Variants in TENM3 observed in about 807,000 individuals in gnomAD.
TENM3 encodes teneurin-3.
A neutral mutation model predicts 255.1 loss-of-function variants in TENM3; 63 were observed. The observed-to-expected ratio is 0.25, with a 90% CI of 0.20 to 0.30. The LOEUF is 0.30. TENM3 is among the 10% of genes least tolerant of loss of function. The pLI is 1.00. For missense variants in TENM3, 2,929 were observed against 3,461.1 expected (o/e 0.85, Z 3.86); for synonymous variants, 1,306 against 1,322.3 (o/e 0.99, Z 0.27).
chr4:182,643,766 C>G (rs957200201), intron 5 of TENM3, among the ~76,000 whole-genome samples: 2 of 152,158 alleles, frequency 1.3e-5, no homozygotes, highest in East Asian at 3.9e-4. Context: ...GAATCTTTCT[C>G]AGAAAGATTC....
At chr4:181,802,049 G>GT in the TENM3 span, among the ~76,000 whole-genome samples, 3 of 152,174 alleles carry the variant, frequency 2.0e-5, no homozygotes, top group South Asian at 6.2e-4. Context: ...AGTTTTGATG[G>GT]TATGTACATG....
chr4:181,918,849 C>T, the TENM3 span, among the ~76,000 whole-genome samples: 3 of 151,830 alleles, frequency 2.0e-5, no homozygotes, highest in Admixed American at 1.3e-4. Context: ...AGAAATGGAC[C>T]CTATTCCTCA....
At chr4:182,778,141 G>A (rs1419550478) in intron 24 of TENM3, among the ~76,000 whole-genome samples, 1 of 151,900 alleles carries the variant, frequency 6.6e-6, no homozygotes, top group East Asian at 1.9e-4. Flanking sequence ...AATATTCCTA[G>A]GTTTTATCAG....
the TENM3 span, among the ~76,000 whole-genome samples, chr4:181,850,316 T>C: frequency 6.6e-6 from 1 of 152,254 alleles, no homozygotes; most frequent in East Asian, 1.9e-4. Context: ...TAACAAGAGA[T>C]TAAATTTTAA....
In TENM3 at chr4:182,679,188, C is replaced by T. The variant is rs185799493; in HGVS notation, c.1327-478C>T. ...CAAACCAGCACATTCTGCACATGTA[C>T]CCCAGAACTTAAAATAAAATTTAAA... On this transcript the variant is annotated intron_variant, in intron 7 of 27. Coordinates refer to ENST00000511685, the MANE Select transcript of TENM3 (RefSeq NM_001080477.4). Among the ~76,000 whole-genome samples, 704 of 149,928 alleles carry T rather than the reference C, an allele frequency of 4.7e-3. 5 individuals carry two copies. The highest frequency in any genetic ancestry group is 7.1e-3 in the Non-Finnish European group (477 of 66,934).
intron 14 of TENM3, among the ~76,000 whole-genome samples, chr4:182,729,806 T>G (rs903000623): frequency 2.0e-5 from 3 of 152,222 alleles, no homozygotes; most frequent in Non-Finnish European, 4.4e-5. Flanking sequence ...CCTTAAATCT[T>G]ATACTTCTTG....
chr4:182,723,924 G>T (rs1195533691), intron 13 of TENM3, among the ~76,000 whole-genome samples: 2 of 151,052 alleles, frequency 1.3e-5, no homozygotes, highest in Non-Finnish European at 3.0e-5. Context: ...AAATAATTTC[G>T]CCAGCCACTG....
the TENM3 span, among the ~76,000 whole-genome samples, chr4:181,463,374 T>C: frequency 6.6e-6 from 1 of 152,200 alleles, no homozygotes; most frequent in Non-Finnish European, 1.5e-5. Flanking sequence ...TATTTTATCA[T>C]AGTCTATGCA....
the TENM3 span, among the ~76,000 whole-genome samples, chr4:181,939,478 C>T: frequency 2.5e-4 from 38 of 152,224 alleles, no homozygotes; most frequent in Non-Finnish European, 4.8e-4. Flanking sequence ...TGTGATCAGC[C>T]TGTCGGTGTT....
At chr4:181,968,582 T>C in the TENM3 span, among the ~76,000 whole-genome samples, 1 of 152,256 alleles carries the variant, frequency 6.6e-6, no homozygotes. Flanking sequence ...GCATCTAGAA[T>C]GCTAACCGCA....
At chr4:182,081,583 C>CAAAAAAA in the TENM3 span, among the ~76,000 whole-genome samples, 19 of 87,490 alleles carry the variant, frequency 2.2e-4, no homozygotes, top group South Asian at 4.5e-4. Context: ...GGCTCTGCCT[C>CAAAAAAA]AAAAAAAAAA....
chr4:181,728,075 T>C, the TENM3 span, among the ~76,000 whole-genome samples: 1 of 152,228 alleles, frequency 6.6e-6, no homozygotes, highest in Non-Finnish European at 1.5e-5. Context: ...TTCTAGAGTC[T>C]GTAATAGACT....
intron 7 of TENM3, among the ~76,000 whole-genome samples, chr4:182,675,650 A>G (rs1755608790): frequency 6.6e-6 from 1 of 152,112 alleles, no homozygotes; most frequent in Admixed American, 6.5e-5. Context: ...ATGAAAAAAT[A>G]TTTTCCCACT....
intron 1 of TENM3, among the ~76,000 whole-genome samples, chr4:182,186,774 T>C: frequency 2.5e-5 from 1 of 40,240 alleles, no homozygotes; most frequent in East Asian, 2.4e-3. Flanking sequence ...TATATATATA[T>C]ATATATATAT....
the TENM3 span, among the ~76,000 whole-genome samples, chr4:181,884,138 C>T: frequency 6.6e-6 from 1 of 152,082 alleles, no homozygotes; most frequent in African/African-American, 2.4e-5. Context: ...GGCAATTGGA[C>T]GTCACATGAA....
chr4:182,768,321 C>A, intron 22 of TENM3, among the ~76,000 whole-genome samples: 1 of 152,180 alleles, frequency 6.6e-6, no homozygotes, highest in East Asian at 1.9e-4. Context: ...AGAAAGTTTT[C>A]GAGAACTGCA....
At chr4:182,191,291 C>A (rs1314806819) in intron 1 of TENM3, among the ~76,000 whole-genome samples, 1 of 152,178 alleles carries the variant, frequency 6.6e-6, no homozygotes, top group Non-Finnish European at 1.5e-5. Flanking sequence ...CTACTGCCAA[C>A]TCATCCTTTG....
chr4:181,733,311 T>C, the TENM3 span, among the ~76,000 whole-genome samples: 8 of 152,364 alleles, frequency 5.3e-5, no homozygotes, highest in African/African-American at 1.7e-4. Flanking sequence ...GTAGTTATTT[T>C]CCAAAATCTT....
intron 1 of TENM3, among the ~76,000 whole-genome samples, chr4:182,180,691 G>T (rs1188567232): frequency 5.3e-5 from 8 of 149,984 alleles, no homozygotes; most frequent in African/African-American, 1.7e-4. Flanking sequence ...GCCCAGGCTG[G>T]TCTTGAACTC....
Sources: gnomAD v4.1 joint callset for allele counts (sites outside exome capture counted in the v4.1 genomes callset) on GRCh38, gnomAD v4.1.1 for gene constraint, MANE v1.5 for transcripts, NCBI Gene and HGNC (gene_info 2026-07-23, HGNC 2026-07-21) for gene names.